ACSM2B: variants seen among roughly 807,000 people sequenced by gnomAD.
ACSM2B encodes acyl-coenzyme A synthetase ACSM2B, mitochondrial.
In ACSM2B, 58 loss-of-function variants were observed where a neutral mutation model predicts 78.6. The ratio of observed to expected loss-of-function variants is 0.74; its 90% confidence interval spans 0.60 to 0.92. The LOEUF (loss-of-function observed/expected upper bound fraction) is 0.92, where lower values mean the gene tolerates loss of function less well. Ranked by LOEUF, ACSM2B falls within the 40% of genes least tolerant of loss-of-function variation. ACSM2B has a pLI of 0.00. For missense variants in ACSM2B, 688 were observed against 711.2 expected, an observed-to-expected ratio of 0.97 and a Z score of 0.37; for synonymous variants, 257 against 256.8, an observed-to-expected ratio of 1.00 and a Z score of -0.01.
chr16:20,568,182 TTA>T (rs1244483566), intron 1 of ACSM2B, among the ~76,000 whole-genome samples: 2 of 143,472 alleles, frequency 1.4e-5, no homozygotes, highest in African/African-American at 2.5e-5. Context: ...GCAAAATATA[TTA>T]TATATATTAT....
chr16:20,549,892 A>G, intron 6 of ACSM2B: 1 of 399,352 alleles, frequency 2.5e-6, no homozygotes, highest in South Asian at 1.9e-5. Flanking sequence ...GGATCAATAG[A>G]AAGGAATGCC....
chr16:20,537,403 T>C (rs549724248), intron 13 of ACSM2B, 41 bp from the exon 14 acceptor site: 302 of 1,606,598 alleles, frequency 1.9e-4, no homozygotes, highest in South Asian at 1.8e-3. Flanking sequence ...TGATCTGTGA[T>C]GACAGTGGGT....
chr16:20,566,298 G>A (rs982296793), intron 1 of ACSM2B, among the ~76,000 whole-genome samples: 2 of 71,734 alleles, frequency 2.8e-5, no homozygotes, highest in African/African-American at 5.0e-5. Flanking sequence ...CAGATATATA[G>A]ATATATAAAT....
chr16:20,556,088 A>T (rs2015464446), intron 3 of ACSM2B, among the ~76,000 whole-genome samples: 1 of 150,700 alleles, frequency 6.6e-6, no homozygotes, highest in Non-Finnish European at 1.5e-5. Flanking sequence ...AGTATTTAAC[A>T]TTTTTTTTGT....
intron 1 of ACSM2B, among the ~76,000 whole-genome samples, chr16:20,573,430 T>C (rs2152154514): frequency 6.7e-6 from 1 of 149,860 alleles, no homozygotes; most frequent in South Asian, 2.1e-4. Flanking sequence ...GAAAGGCTGA[T>C]GGCAGCATGG....
In ACSM2B at chr16:20,555,371, T is replaced by C. The variant is rs1055160229; in HGVS notation, c.494A>G (p.Gln165Arg). 6.2e-7 allele frequency: 1 copy of C among 1,613,980 alleles called. No individual in the cohort carries two copies. The change falls in exon 4 of 14, where the codon CAA becomes CGA. Residue 165 changes from glutamine to arginine, a missense_variant. Transcript: ENST00000329697. Reference protein sequence around the residue: ...KAIVAGDEVIQEVDTVASECP... With the variant: ...KAIVAGDEVIREVDTVASECP... ...TTCAGATGCCACTGTGTCCACTTCT[T>C]GGATGACTTCATCCCCAGCAACAAT... is the stretch of plus-strand genomic sequence containing the variant.
chr16:20,559,142 G>A, intron 3 of ACSM2B, 95 bp downstream of exon 3: 1 of 1,489,748 alleles, frequency 6.7e-7, no homozygotes, highest in Non-Finnish European at 9.0e-7. Flanking sequence ...ATGCTCCAAG[G>A]CAGAGACTTC....
At chr16:20,566,631 AT>A in intron 1 of ACSM2B, among the ~76,000 whole-genome samples, 1 of 61,106 alleles carries the variant, frequency 1.6e-5, no homozygotes, top group Non-Finnish European at 2.4e-5. Context: ...TATACTATAT[AT>A]AGTATATATA....
At chr16:20,557,686 T>C (rs28584767) in intron 3 of ACSM2B, among the ~76,000 whole-genome samples, 1 of 152,110 alleles carries the variant, frequency 6.6e-6, no homozygotes, top group African/African-American at 2.4e-5. Context: ...GCACTGCCAA[T>C]ATAGCACCTG....
chr16:20,557,405 T>TC lies in ACSM2B; in HGVS notation c.388+1831dup, dbSNP rs139948294. On this transcript the variant is annotated intron_variant, in intron 3 of 13. Coordinates refer to ENST00000329697, the MANE Select transcript of ACSM2B (RefSeq NM_001105069.2). Reference sequence around the variant, plus strand: ...TTCTTTGAATAACCCTGTTATTAGTTCCCCCCCAATTGCCTGTTAAATCCA... The same window carrying TC: ...TTCTTTGAATAACCCTGTTATTAGTTCCCCCCCCAATTGCCTGTTAAATCCA... 2.1e-4 allele frequency among the ~76,000 whole-genome samples: 31 copies of TC among 150,978 alleles called. No homozygotes were observed. The South Asian group carries it at 2.1e-3, about 10-fold the overall frequency.
At chr16:20,568,141 A>C (rs977758442) in intron 1 of ACSM2B, among the ~76,000 whole-genome samples, 2 of 143,242 alleles carry the variant, frequency 1.4e-5, no homozygotes, top group African/African-American at 5.0e-5. Context: ...TACGTTCATG[A>C]GCTTGGAAGG....
rs1363363873 is a variant in ACSM2B, at chr16:20,559,542, A to T, written c.178-95T>A. On this transcript the variant is annotated intron_variant, in intron 2 of 13. Transcript: ENST00000329697. Reference sequence around the variant, plus strand: ...TGGGATTGCCAAGCTGGTGCTTAGTAAGGTTTTTTATCTCAGCACCTCCAT... The same window carrying T: ...TGGGATTGCCAAGCTGGTGCTTAGTTAGGTTTTTTATCTCAGCACCTCCAT... The T allele has an allele frequency of 5.4e-5, 80 of 1,468,352 alleles. 1 individual carries two copies. The highest frequency in any genetic ancestry group is 7.2e-5 in the Non-Finnish European group (79 of 1,100,270). The allele number at this position is 1,468,352 out of a possible 1,614,324, so 91.0% of individuals were successfully genotyped here.
intron 8 of ACSM2B, 42 bp from the exon 9 acceptor site, chr16:20,546,516 G>A: frequency 4.4e-6 from 7 of 1,576,378 alleles, no homozygotes; most frequent in Non-Finnish European, 6.0e-6. Flanking sequence ...TCAGGAGGAG[G>A]TACAAGGTCA....
Position 20,576,273 on chromosome 16 carries a change from T to C in ACSM2B, c.-75A>G, listed in dbSNP as rs1422420604. 2 of 151,666 alleles carry C rather than the reference T, an allele frequency of 1.3e-5. No homozygotes were observed. The highest frequency in any genetic ancestry group is 2.9e-5 in the Non-Finnish European group (2 of 68,140). 9.4% of individuals were successfully genotyped at this position (151,666 alleles called of 1,614,324 possible). Reference sequence around the variant, plus strand: ...TCCACCCTCCTCTCCAGCCAGCAGCTCCAGAACTCCTACAGCCTTGGAAGA... The same window carrying C: ...TCCACCCTCCTCTCCAGCCAGCAGCCCCAGAACTCCTACAGCCTTGGAAGA... On this transcript the variant is annotated 5_prime_UTR_variant, in exon 1 of 14. Transcript: ENST00000329697.
chr16:20,558,018 A>C (rs944494404), intron 3 of ACSM2B, among the ~76,000 whole-genome samples: 1 of 152,192 alleles, frequency 6.6e-6, no homozygotes, highest in Non-Finnish European at 1.5e-5. Flanking sequence ...GTGCTTGGAG[A>C]TTGAAACTGC....
chr16:20,572,735 C>A (rs1304583322), intron 1 of ACSM2B, among the ~76,000 whole-genome samples: 1 of 151,800 alleles, frequency 6.6e-6, no homozygotes, highest in African/African-American at 2.4e-5. Context: ...GATCATTTAA[C>A]ACAATCCCAA....
At chr16:20,562,808 G>A (rs371629246) in intron 2 of ACSM2B, among the ~76,000 whole-genome samples, 13 of 152,204 alleles carry the variant, frequency 8.5e-5, no homozygotes, top group African/African-American at 2.6e-4. Flanking sequence ...TGCTTCTGTA[G>A]TTAACATCAC....
chr16:20,545,090 C>A (rs1328488244), intron 10 of ACSM2B, 67 bp downstream of exon 10: 1 of 1,512,832 alleles, frequency 6.6e-7, no homozygotes, highest in Non-Finnish European at 8.9e-7. Flanking sequence ...AACATTTGTC[C>A]TCCCTCATCC....
intron 3 of ACSM2B, among the ~76,000 whole-genome samples, chr16:20,557,046 G>A (rs1167175866): frequency 1.3e-5 from 2 of 152,134 alleles, no homozygotes; most frequent in Non-Finnish European, 2.9e-5. Flanking sequence ...TTGGGATTAG[G>A]CTGTGTGCAA....
Sources: allele counts gnomAD v4.1 joint callset (sites outside exome capture counted in the v4.1 genomes callset), GRCh38; gene constraint gnomAD v4.1.1; transcripts MANE v1.5; gene names NCBI Gene and HGNC (gene_info 2026-07-23, HGNC 2026-07-21).